Variants in GRK3 observed in about 807,000 individuals in gnomAD.
The protein encoded by GRK3 is G protein-coupled receptor kinase 3, also known as adrenergic, beta, receptor kinase 2.
Under a neutral mutation model 95.7 loss-of-function variants are expected in GRK3, and 54 were observed. The ratio of observed to expected loss-of-function variants is 0.56; its 90% confidence interval spans 0.45 to 0.71. The LOEUF (loss-of-function observed/expected upper bound fraction) is 0.71. Ranked by LOEUF, GRK3 falls within the 30% of genes least tolerant of loss-of-function variation. The probability of loss-of-function intolerance (pLI) is 0.00; values close to 1 mark genes in which losing one functional copy is unlikely to be tolerated. For missense variants in GRK3, 649 were observed against 851.2 expected (o/e 0.76, Z 2.96); for synonymous variants, 281 against 290.8 (o/e 0.97, Z 0.34).
At chr22:25,643,965 G>C (rs2084761524) in intron 2 of GRK3, among the ~76,000 whole-genome samples, 1 of 152,152 alleles carries the variant, frequency 6.6e-6, no homozygotes, top group Non-Finnish European at 1.5e-5. Context: ...TGGTATTCTA[G>C]GCAAAGGTGT....
chr22:25,594,491 G>A (rs28868387), intron 1 of GRK3, among the ~76,000 whole-genome samples: 33,428 of 152,120 alleles, frequency 0.22, 7,831 homozygotes, highest in African/African-American at 0.6. Flanking sequence ...GCACATCAAA[G>A]AGGTTAATTC....
intron 2 of GRK3, among the ~76,000 whole-genome samples, chr22:25,607,738 A>T (rs1601469279): frequency 6.8e-6 from 1 of 146,246 alleles, no homozygotes. Context: ...CACCATACCC[A>T]GCTAATTTTT....
intron 14 of GRK3, 37 bp downstream of exon 14, chr22:25,703,613 T>C: frequency 7.1e-7 from 1 of 1,415,924 alleles, no homozygotes; most frequent in African/African-American, 1.4e-5. Flanking sequence ...GTCTGTATGG[T>C]AATTGTCATG....
At chr22:25,603,258 G>T (rs1407042912) in intron 1 of GRK3, among the ~76,000 whole-genome samples, 3 of 151,830 alleles carry the variant, frequency 2.0e-5, no homozygotes, top group African/African-American at 4.8e-5. Context: ...ATATAAATTT[G>T]CCTCAATTTG....
chr22:25,674,356 CTA>C, intron 7 of GRK3, 79 bp from the exon 8 acceptor site: 3 of 1,108,358 alleles, frequency 2.7e-6, no homozygotes, highest in Middle Eastern at 4.0e-4. Flanking sequence ...TAATTACTGT[CTA>C]TGTTTTGCAT....
chr22:25,674,613 GGAAACCTAT>G, intron 8 of GRK3, 85 bp downstream of exon 8: 1 of 1,015,720 alleles, frequency 9.8e-7, no homozygotes, highest in Non-Finnish European at 1.5e-6. Flanking sequence ...AAAGAAATGT[GGAAACCTAT>G]GACATTTCTT....
At chr22:25,695,776 C>T (rs1180581215) in intron 13 of GRK3, among the ~76,000 whole-genome samples, 1 of 152,100 alleles carries the variant, frequency 6.6e-6, no homozygotes, top group Non-Finnish European at 1.5e-5. Flanking sequence ...AATCCTTCCA[C>T]CTCAACCTCA....
At position 25,728,488 on chromosome 22, in the gene GRK3, C is replaced by T. The variant is rs2085491889; in HGVS notation, c.*6038C>T. The T allele has an allele frequency of 6.6e-6, 1 of 152,204 alleles. No individual in the cohort carries two copies. The highest frequency in any genetic ancestry group is 2.1e-4 in the South Asian group (1 of 4,826). 9.4% of individuals were successfully genotyped at this position (152,204 alleles called of 1,614,324 possible). On this transcript the variant is annotated 3_prime_UTR_variant, in exon 21 of 21. Coordinates refer to ENST00000324198, the MANE Select transcript of GRK3 (RefSeq NM_005160.4). ...TGTGTGGGGCAGGTAGCTATCCCTC[C>T]CATGTCATTAGTAATCCTTTAGGAT...
chr22:25,613,577 G>A (rs8141716), intron 2 of GRK3, among the ~76,000 whole-genome samples: 19,123 of 148,146 alleles, frequency 0.13, 1,309 homozygotes, highest in Non-Finnish European at 0.17. Flanking sequence ...GGGGGACTTA[G>A]GGTCACAGCC....
At chr22:25,603,271 T>C (rs1043840084) in intron 1 of GRK3, among the ~76,000 whole-genome samples, 16 of 152,194 alleles carry the variant, frequency 1.1e-4, no homozygotes, top group African/African-American at 3.4e-4. Context: ...TCAATTTGTT[T>C]TAAAAAGTAA....
chr22:25,663,111 G>T (rs964713332), intron 4 of GRK3, among the ~76,000 whole-genome samples: 8 of 152,042 alleles, frequency 5.3e-5, no homozygotes, highest in Non-Finnish European at 1.2e-4. Context: ...TGCATTTAGG[G>T]CCCAAACAAT....
intron 2 of GRK3, among the ~76,000 whole-genome samples, chr22:25,617,033 T>C (rs1398608189): frequency 6.6e-6 from 1 of 152,084 alleles, no homozygotes; most frequent in Non-Finnish European, 1.5e-5. Flanking sequence ...AGGAGTGAAA[T>C]CCCAGCTGGG....
chr22:25,585,888 T>A (rs190125654), intron 1 of GRK3, among the ~76,000 whole-genome samples: 217 of 152,380 alleles, frequency 1.4e-3, no homozygotes, highest in African/African-American at 4.7e-3. Context: ...TGACATTTTC[T>A]AGAGCCCCCT....
rs1241880696 is a variant in GRK3, at chr22:25,724,778, T to C, written c.*2328T>C. On this transcript the variant is annotated 3_prime_UTR_variant, in exon 21 of 21. Coordinates refer to ENST00000324198, the MANE Select transcript of GRK3 (RefSeq NM_005160.4). Reference sequence around the variant, plus strand: ...TCTGCGACCAGACACAGGATACCGCTGTGTCTGCACCCGGTTGCCTGCATG... The same window carrying C: ...TCTGCGACCAGACACAGGATACCGCCGTGTCTGCACCCGGTTGCCTGCATG... The C allele has an allele frequency of 6.6e-6, 1 of 152,208 alleles. No homozygotes were observed. The highest frequency in any genetic ancestry group is 6.5e-5 in the Admixed American group (1 of 15,276). The allele number at this position is 152,208 out of a possible 1,614,324, so 9.4% of individuals were successfully genotyped here.
At chr22:25,673,010 T>G (rs2084995925) in intron 7 of GRK3, among the ~76,000 whole-genome samples, 1 of 100,288 alleles carries the variant, frequency 1.0e-5, no homozygotes, top group African/African-American at 3.3e-5. Flanking sequence ...CAACCGGAAT[T>G]TTTTTTTTTT....
chr22:25,702,554 G>A (rs1402323320), intron 13 of GRK3, among the ~76,000 whole-genome samples: 1 of 152,092 alleles, frequency 6.6e-6, no homozygotes, highest in Non-Finnish European at 1.5e-5. Context: ...ATAAACCATG[G>A]TAATTTAGTT....
rs558799015 is a variant in GRK3, at chr22:25,718,102, A to C, written c.1655-143A>C. 1.0e-5 allele frequency: 9 copies of C among 866,266 alleles called. No homozygotes were observed. The East Asian group carries it at 1.8e-4, about 17-fold the overall frequency. The allele number at this position is 866,266 out of a possible 1,614,324, so 53.7% of individuals were successfully genotyped here. ...CCCCAGTACACATGCACTTAAAACT[A>C]AAATCGTGACTTCTGTAATGCGTTC... On this transcript the variant is annotated intron_variant, in intron 18 of 20. Coordinates refer to ENST00000324198, the MANE Select transcript of GRK3 (RefSeq NM_005160.4).
At chr22:25,682,345 G>A (rs867494747) in intron 9 of GRK3, among the ~76,000 whole-genome samples, 5 of 152,032 alleles carry the variant, frequency 3.3e-5, no homozygotes, top group Middle Eastern at 3.2e-3. Flanking sequence ...TTGCTAACTG[G>A]GACTTATCCA....
At chr22:25,687,417 A>G in intron 10 of GRK3, 120 bp from the exon 11 acceptor site, 1 of 1,022,040 alleles carries the variant, frequency 9.8e-7, no homozygotes, top group South Asian at 1.6e-5. Context: ...ACATAGGTAT[A>G]TAGACCAAGC....
Sources: gnomAD v4.1 joint callset for allele counts (sites outside exome capture counted in the v4.1 genomes callset) on GRCh38, gnomAD v4.1.1 for gene constraint, MANE v1.5 for transcripts, NCBI Gene and HGNC (gene_info 2026-07-23, HGNC 2026-07-21) for gene names.